KDM4B: variants seen among roughly 807,000 people sequenced by gnomAD.
The protein encoded by KDM4B is lysine demethylase 4B, also known as lysine-specific demethylase 4B.
A neutral mutation model predicts 125.2 loss-of-function variants in KDM4B; 32 were observed. That is an observed-to-expected ratio of 0.26 (90% CI 0.19 to 0.34). The LOEUF (loss-of-function observed/expected upper bound fraction) is 0.34, where lower values mean the gene tolerates loss of function less well. Ranked by LOEUF, KDM4B falls within the 10% of genes least tolerant of loss-of-function variation. KDM4B has a pLI of 1.00. For synonymous variants in KDM4B, 721 were observed against 677.9 expected, an observed-to-expected ratio of 1.06 and a Z score of -0.99; for missense variants, 1,190 against 1,577.7, an observed-to-expected ratio of 0.75 and a Z score of 4.16.
At position 4,997,503 on chromosome 19, in the gene KDM4B, C is replaced by A. The variant is rs765916404; in HGVS notation, c.-108-18754C>A. Among the ~76,000 whole-genome samples the A allele has an allele frequency of 1.3e-5, 2 of 152,088 alleles. No individual in the cohort carries two copies. Among genetic ancestry groups the A allele is most frequent in the Non-Finnish European group, 2.9e-5 (2 of 67,982 alleles). ...CTGGGCCTGCGTACCCAGTGGGTGG[C>A]GCTCAGGTCTGCAGCTGCCTCCTTG... is the stretch of plus-strand genomic sequence containing the variant. On this transcript the variant is annotated intron_variant, in intron 1 of 22. Coordinates refer to ENST00000159111, the MANE Select transcript of KDM4B (RefSeq NM_015015.3). The surrounding 1 kb of genome is among the most constrained non-coding windows in gnomAD (Gnocchi z 4.2).
In KDM4B at chr19:5,149,937, C is replaced by T. The variant is rs537492060; in HGVS notation, c.3022-421C>T. The stretch of plus-strand genomic sequence containing the variant: ...GCTCAGGCCCCTGAGTCCGCCTGTC[C>T]GGCCTCCCCTGCCTCCCAGGCCCTG... On this transcript the variant is annotated intron_variant, in intron 21 of 22. Coordinates refer to ENST00000159111, the MANE Select transcript of KDM4B (RefSeq NM_015015.3). 8.9e-4 allele frequency among the ~76,000 whole-genome samples: 136 copies of T among 152,332 alleles called. 1 individual carries two copies. In the South Asian group the frequency reaches 0.028, roughly 31 times the overall value.
At chr19:5,058,577 G>C (rs1202106362) in intron 6 of KDM4B, among the ~76,000 whole-genome samples, 3 of 152,032 alleles carry the variant, frequency 2.0e-5, no homozygotes, top group African/African-American at 7.2e-5. Context: ...GCCTGGGTGT[G>C]GTGGGAGCCG....
chr19:5,090,021 A>G (rs1294933210), intron 9 of KDM4B, among the ~76,000 whole-genome samples: 1 of 152,154 alleles, frequency 6.6e-6, no homozygotes, highest in Non-Finnish European at 1.5e-5. Context: ...AGGGGGAAAC[A>G]AGACAAAAAC....
intron 1 of KDM4B, among the ~76,000 whole-genome samples, chr19:4,970,613 C>T (rs1299796673): frequency 1.3e-5 from 2 of 152,192 alleles, no homozygotes; most frequent in African/African-American, 2.4e-5. Flanking sequence ...CATTAGACGA[C>T]TCCTATGGGC....
intron 6 of KDM4B, among the ~76,000 whole-genome samples, chr19:5,067,801 A>G (rs2037821217): frequency 6.6e-6 from 1 of 152,114 alleles, no homozygotes; most frequent in Admixed American, 6.5e-5. Context: ...CTGTCTGTCC[A>G]GAAAGCATGC....
Position 5,028,497 on chromosome 19 carries a change from C to T in KDM4B, c.-25-4369C>T, listed in dbSNP as rs73921830. On this transcript the variant is annotated intron_variant, in intron 2 of 22. Transcript: ENST00000159111. ...TTCTTCTGTTGGTGGACACCTGGGT[C>T]GTTTCCACCTTTGGCTGTTGGGAAT... Among the ~76,000 whole-genome samples the T allele has an allele frequency of 1.7e-3, 265 of 152,322 alleles. 3 individuals carry two copies. Among genetic ancestry groups the T allele is most frequent in the African/African-American group, 6.0e-3 (248 of 41,572 alleles).
chr19:5,071,130 G>T (rs996412386), intron 7 of KDM4B, 71 bp downstream of exon 7: 10 of 1,444,892 alleles, frequency 6.9e-6, no homozygotes, highest in Middle Eastern at 2.0e-4. Flanking sequence ...GGGAAGGGCA[G>T]CTGGCGTCCC....
chr19:5,067,091 C>G lies in KDM4B; in HGVS notation c.627-3919C>G, dbSNP rs554958702. Among the ~76,000 whole-genome samples, 7 of 152,252 alleles carry G rather than the reference C, an allele frequency of 4.6e-5. No homozygotes were observed. In the South Asian group the frequency reaches 1.5e-3, roughly 32 times the overall value. On this transcript the variant is annotated intron_variant, in intron 6 of 22. Transcript: ENST00000159111. ...CACCTGAGGGACCTGTGCAGGCCACCCCTCCCTCCCGAAGGCTCCCCTGGC... is the reference window on the plus strand; with the variant it reads ...CACCTGAGGGACCTGTGCAGGCCACGCCTCCCTCCCGAAGGCTCCCCTGGC...
intron 5 of KDM4B, among the ~76,000 whole-genome samples, chr19:5,042,076 C>T (rs1372100501): frequency 6.6e-6 from 1 of 152,258 alleles, no homozygotes; most frequent in African/African-American, 2.4e-5. Flanking sequence ...CTTCCGGCCC[C>T]ACCAGAAGCA....
intron 7 of KDM4B, chr19:5,075,466 T>TTTTTTA (rs1238420098): frequency 1.3e-5 from 2 of 152,224 alleles, no homozygotes; most frequent in Non-Finnish European, 2.9e-5. Context: ...GCTTGGTTTA[T>TTTTTTA]TTTTTATTTT....
intron 18 of KDM4B, among the ~76,000 whole-genome samples, chr19:5,139,124 A>G (rs1421717573): frequency 2.6e-5 from 4 of 151,940 alleles, no homozygotes; most frequent in African/African-American, 9.7e-5. Flanking sequence ...GGGTCTCACT[A>G]TGTTGCCCAG....
In KDM4B at chr19:5,115,927, A is replaced by G. The variant is rs2039245606; in HGVS notation, c.1116-3726A>G. 6.6e-6 allele frequency among the ~76,000 whole-genome samples: 1 copy of G among 152,206 alleles called. No individual in the cohort carries two copies. Among genetic ancestry groups the G allele is most frequent in the Non-Finnish European group, 1.5e-5 (1 of 68,042 alleles). On this transcript the variant is annotated intron_variant, in intron 10 of 22. Transcript: ENST00000159111. The surrounding 1 kb of genome is among the most constrained non-coding windows in gnomAD (Gnocchi z 4.2). ...AAATCTAGCCCCTGATAGGAGTTTCAGAAAAAGAAAAGTGTCCCGGGACCC... is the reference window on the plus strand; with the variant it reads ...AAATCTAGCCCCTGATAGGAGTTTCGGAAAAAGAAAAGTGTCCCGGGACCC...
chr19:4,973,748 C>T (rs1011256412), intron 1 of KDM4B, among the ~76,000 whole-genome samples: 11 of 149,254 alleles, frequency 7.4e-5, no homozygotes, highest in South Asian at 2.1e-4. Context: ...CCTGTTGGGG[C>T]GGGGAACATG....
chr19:4,974,941 C>T (rs1355345316), intron 1 of KDM4B, among the ~76,000 whole-genome samples: 1 of 152,074 alleles, frequency 6.6e-6, no homozygotes, highest in Non-Finnish European at 1.5e-5. Context: ...TGCACCTGCT[C>T]CTTTCCTGGC....
intron 1 of KDM4B, among the ~76,000 whole-genome samples, chr19:4,998,702 AGTC>A (rs1378873138): frequency 6.6e-6 from 1 of 152,226 alleles, no homozygotes; most frequent in Non-Finnish European, 1.5e-5. Flanking sequence ...CACAGCACTC[AGTC>A]GTCTTGCCTG....
intron 1 of KDM4B, among the ~76,000 whole-genome samples, chr19:5,007,323 G>A (rs1172772424): frequency 2.0e-5 from 3 of 152,190 alleles, no homozygotes; most frequent in East Asian, 1.9e-4. Flanking sequence ...CTTCATTGCT[G>A]TGATGTCAAG....
chr19:5,007,862 C>G (rs2035610710), intron 1 of KDM4B, among the ~76,000 whole-genome samples: 1 of 152,170 alleles, frequency 6.6e-6, no homozygotes, highest in Non-Finnish European at 1.5e-5. Flanking sequence ...CAAGTCTTTT[C>G]ACTTTCTTGA....
At chr19:5,139,728 C>T (rs938123948) in intron 18 of KDM4B, among the ~76,000 whole-genome samples, 2 of 152,212 alleles carry the variant, frequency 1.3e-5, no homozygotes, top group African/African-American at 2.4e-5. Flanking sequence ...TTTGGAGAAA[C>T]GTCTGTTCTG....
At position 5,099,675 on chromosome 19, in the gene KDM4B, CT is replaced by C. The variant is rs2038894487; in HGVS notation, c.919-10943del. 2.0e-5 allele frequency among the ~76,000 whole-genome samples: 3 copies of C among 152,188 alleles called. No homozygotes were observed. In the South Asian group the frequency reaches 6.2e-4, roughly 32 times the overall value. The stretch of plus-strand genomic sequence containing the variant: ...GAACACAGGCAGTAAAGTTTTGAGA[CT>C]TTTCTCATTTGAAAACAGGGCCTGA... On this transcript the variant is annotated intron_variant, in intron 9 of 22. Transcript: ENST00000159111.
Sources: gnomAD v4.1 joint callset for allele counts (sites outside exome capture counted in the v4.1 genomes callset) on GRCh38, gnomAD v4.1.1 for gene constraint, Gnocchi (gnomAD v3.1) non-coding constraint, MANE v1.5 for transcripts, NCBI Gene and HGNC (gene_info 2026-07-23, HGNC 2026-07-21) for gene names.